The following BBX variants were observed in gnomAD, a reference collection of about 807,000 sequenced individuals.
BBX encodes the protein HMG box transcription factor BBX.
Under a neutral mutation model 100.2 loss-of-function variants are expected in BBX, and 30 were observed. The observed-to-expected ratio is 0.30, with a 90% CI of 0.22 to 0.41. The LOEUF is 0.41. Among genes scored for constraint, BBX ranks in the 10% least tolerant of loss-of-function variants. The pLI, the probability that BBX is intolerant of heterozygous loss-of-function variation, is 1.00. For missense variants in BBX, 1,023 were observed against 1,129.8 expected, an observed-to-expected ratio of 0.91 and a Z score of 1.35; for synonymous variants, 376 against 388.1, an observed-to-expected ratio of 0.97 and a Z score of 0.37.
chr3:107,530,334 G>A (rs2048069481), intron 2 of BBX, among the ~76,000 whole-genome samples: 1 of 152,126 alleles, frequency 6.6e-6, no homozygotes. Flanking sequence ...TCAATGAGCT[G>A]AGATTGTGCC....
At chr3:107,686,165 C>A (rs765920462) in intron 3 of BBX, among the ~76,000 whole-genome samples, 1 of 152,046 alleles carries the variant, frequency 6.6e-6, no homozygotes, top group Non-Finnish European at 1.5e-5. Flanking sequence ...TAGGAAAATA[C>A]GTAAATATGT....
At chr3:107,738,431 C>T (rs1056379693) in intron 7 of BBX, among the ~76,000 whole-genome samples, 1 of 152,146 alleles carries the variant, frequency 6.6e-6, no homozygotes, top group Non-Finnish European at 1.5e-5. Context: ...TTGAACATTG[C>T]CTCCAAGGCT....
chr3:107,769,656 A>G (rs2066734332), intron 10 of BBX, among the ~76,000 whole-genome samples: 1 of 152,144 alleles, frequency 6.6e-6, no homozygotes, highest in Non-Finnish European at 1.5e-5. Context: ...TATCTGTCGT[A>G]TGAGCAAGAG....
chr3:107,561,152 A>G (rs1028661728), intron 2 of BBX, among the ~76,000 whole-genome samples: 2 of 152,232 alleles, frequency 1.3e-5, no homozygotes, highest in African/African-American at 4.8e-5. Context: ...CAAGTGGATC[A>G]AGCAAGAATG....
At chr3:107,568,804 A>G (rs1317966234) in intron 2 of BBX, among the ~76,000 whole-genome samples, 1 of 152,178 alleles carries the variant, frequency 6.6e-6, no homozygotes, top group African/African-American at 2.4e-5. Flanking sequence ...TTATAGTTCA[A>G]TAAATAAATT....
intron 2 of BBX, among the ~76,000 whole-genome samples, chr3:107,533,088 A>G (rs1342830600): frequency 6.6e-6 from 1 of 152,122 alleles, no homozygotes; most frequent in African/African-American, 2.4e-5. Context: ...TAGAATATTC[A>G]CATATTTTGC....
At chr3:107,574,246 AT>A in intron 2 of BBX, among the ~76,000 whole-genome samples, 1 of 152,324 alleles carries the variant, frequency 6.6e-6, no homozygotes, top group East Asian at 1.9e-4. Flanking sequence ...TAAACGAGAA[AT>A]TTGAGACCTG....
At chr3:107,763,453 A>G (rs2066084549) in intron 10 of BBX, among the ~76,000 whole-genome samples, 1 of 152,214 alleles carries the variant, frequency 6.6e-6, no homozygotes, top group Non-Finnish European at 1.5e-5. Flanking sequence ...ACATCAGTAG[A>G]AAAGAATACA....
chr3:107,751,879 G>T (rs2065105073), intron 9 of BBX, among the ~76,000 whole-genome samples: 1 of 152,128 alleles, frequency 6.6e-6, no homozygotes, highest in African/African-American at 2.4e-5. Context: ...CCATTAAGTT[G>T]GTCAGAATGA....
chr3:107,531,671 A>G (rs2048170047), intron 2 of BBX, among the ~76,000 whole-genome samples: 1 of 151,968 alleles, frequency 6.6e-6, no homozygotes, highest in Admixed American at 6.6e-5. Flanking sequence ...GTAATTTGTT[A>G]GGGAAGGAAA....
intron 3 of BBX, among the ~76,000 whole-genome samples, chr3:107,681,603 G>C (rs976515975): frequency 2.0e-5 from 3 of 152,076 alleles, no homozygotes; most frequent in Non-Finnish European, 4.4e-5. Context: ...GATGCCAAAA[G>C]CTTCCTCACT....
chr3:107,586,856 T>G (rs540366537), intron 2 of BBX, among the ~76,000 whole-genome samples: 174 of 152,138 alleles, frequency 1.1e-3, no homozygotes, highest in African/African-American at 4.1e-3. Context: ...GTTCAAGCGA[T>G]TCTCCTGCCT....
In BBX at chr3:107,744,800, AACTCT is replaced by A. The variant is rs1027950096; in HGVS notation, c.750+95_750+99del. On this transcript the variant is annotated intron_variant, in intron 8 of 17. Coordinates refer to ENST00000325805, the MANE Select transcript of BBX (RefSeq NM_001142568.3). ...ATAACAGTAACTGAAAGCAATGAAGAACTCTACTCAGCTCAACCATAAGTGGGAAA... is the reference window on the plus strand; with the variant it reads ...ATAACAGTAACTGAAAGCAATGAAGAACTCAGCTCAACCATAAGTGGGAAA... 2.1e-5 allele frequency: 22 copies of A among 1,050,310 alleles called. No individual in the cohort carries two copies. The African/African-American group carries it at 2.5e-4, about 12-fold the overall frequency. 65.1% of individuals were successfully genotyped at this position (1,050,310 alleles called of 1,614,324 possible).
chr3:107,794,496 C>G (rs1465243467), intron 15 of BBX, among the ~76,000 whole-genome samples: 1 of 151,954 alleles, frequency 6.6e-6, no homozygotes, highest in South Asian at 2.1e-4. Flanking sequence ...CACTTCTTTG[C>G]AGTGTATAAA....
intron 15 of BBX, among the ~76,000 whole-genome samples, chr3:107,795,688 A>G (rs2069573316): frequency 7.4e-6 from 1 of 135,886 alleles, no homozygotes; most frequent in Admixed American, 8.1e-5. Context: ...CTTTCCTCCA[A>G]TATACTGACC....
At chr3:107,776,766 G>A (rs1054690020) in intron 12 of BBX, among the ~76,000 whole-genome samples, 2 of 152,040 alleles carry the variant, frequency 1.3e-5, no homozygotes, top group Admixed American at 6.6e-5. Flanking sequence ...TATGAGTTAC[G>A]TCTCACATTT....
intron 2 of BBX, among the ~76,000 whole-genome samples, chr3:107,626,943 C>T (rs192230731): frequency 4.6e-5 from 7 of 152,252 alleles, no homozygotes; most frequent in Admixed American, 6.5e-5. Context: ...TGAGCCACCG[C>T]ACCTGGCCTT....
At chr3:107,730,636 G>C (rs1004467321) in intron 6 of BBX, among the ~76,000 whole-genome samples, 1 of 152,108 alleles carries the variant, frequency 6.6e-6, no homozygotes, top group African/African-American at 2.4e-5. Context: ...ATTGAAAGTC[G>C]AACCCACACT....
At chr3:107,575,633 G>A (rs1319143653) in intron 2 of BBX, among the ~76,000 whole-genome samples, 4 of 151,852 alleles carry the variant, frequency 2.6e-5, no homozygotes, top group African/African-American at 4.8e-5. Flanking sequence ...TTTAGCTTTA[G>A]AGAAGTATAG....
Sources: gnomAD v4.1 joint callset for allele counts (sites outside exome capture counted in the v4.1 genomes callset) on GRCh38, gnomAD v4.1.1 for gene constraint, MANE v1.5 for transcripts, NCBI Gene and HGNC (gene_info 2026-07-23, HGNC 2026-07-21) for gene names.